Variants in CR1 observed in about 807,000 individuals in gnomAD.
CR1 encodes complement C3b/C4b receptor 1 (Knops blood group), also known as complement receptor type 1.
A neutral mutation model predicts 187.3 loss-of-function variants in CR1; 116 were observed. The observed-to-expected ratio is 0.62, with a 90% CI of 0.53 to 0.72. The LOEUF (loss-of-function observed/expected upper bound fraction) is 0.72. Among genes scored for constraint, CR1 ranks in the 30% least tolerant of loss-of-function variants. CR1 has a pLI of 0.00. For synonymous variants in CR1, 576 were observed against 747.1 expected, an observed-to-expected ratio of 0.77 and a Z score of 3.73; for missense variants, 1,731 against 2,110.7, an observed-to-expected ratio of 0.82 and a Z score of 3.52.
In CR1 at chr1:207,565,874, C is replaced by T. The variant is rs2102324758; in HGVS notation, c.3903C>T (p.Val1301=). 6.2e-7 allele frequency: 1 copy of T among 1,610,836 alleles called. No individual in the cohort carries two copies. The highest frequency in any genetic ancestry group is 2.2e-5 in the East Asian group (1 of 44,868). Residue 1301 remains valine (V), a synonymous_variant, in exon 24 of 47, where the codon GTC becomes GTT. Transcript: ENST00000367049. The stretch of plus-strand genomic sequence containing the variant: ...AAGGCAGCTCTGCTAGTTATTGTGT[C>T]TTGGCTGGAATGGAAAGCCTTTGGA... ...QLKGSSASYC[V]LAGMESLWNS... is the part of the protein sequence containing the mutation.
chr1:207,501,389 C>A (rs2102331299), intron 1 of CR1, among the ~76,000 whole-genome samples: 1 of 152,268 alleles, frequency 6.6e-6, no homozygotes, highest in East Asian at 1.9e-4. Context: ...ACTCATCAAT[C>A]ATTGTATGTA....
chr1:207,599,823 A>G (rs114384980), intron 35 of CR1, among the ~76,000 whole-genome samples: 3,262 of 152,290 alleles, frequency 0.021, 65 homozygotes, highest in Non-Finnish European at 0.029. Context: ...AAAAATCAGG[A>G]CCACCTGAGA....
chr1:207,622,975 C>T lies in CR1; in HGVS notation c.7277-18C>T, dbSNP rs1303974449. Reference sequence around the variant, plus strand: ...GTTATATTTTCCATGCATTTAATTACCTTGTTTTACTGCCTAGGCACTTTA... The same window carrying T: ...GTTATATTTTCCATGCATTTAATTATCTTGTTTTACTGCCTAGGCACTTTA... On this transcript the variant is annotated intron_variant, in intron 44 of 46. Transcript: ENST00000367049. The T allele has an allele frequency of 6.5e-7, 1 of 1,535,276 alleles. No homozygotes were observed. Among genetic ancestry groups the T allele is most frequent in the Non-Finnish European group, 8.9e-7 (1 of 1,127,348 alleles).
chr1:207,600,704 A>G (rs888140909), intron 35 of CR1: 4 of 152,126 alleles, frequency 2.6e-5, no homozygotes, highest in African/African-American at 9.6e-5. Context: ...GAATTGATTT[A>G]CTTAGTCTTT....
At chr1:207,581,399 T>A in intron 31 of CR1, among the ~76,000 whole-genome samples, 1 of 149,960 alleles carries the variant, frequency 6.7e-6, no homozygotes, top group South Asian at 2.1e-4. Context: ...TATATACATA[T>A]GTATATACAT....
chr1:207,515,229 G>T (rs1284128603), intron 4 of CR1, among the ~76,000 whole-genome samples: 1 of 133,434 alleles, frequency 7.5e-6, no homozygotes, highest in East Asian at 2.0e-4. Flanking sequence ...ATATATATAC[G>T]TATATATACA....
rs1212656580 is a variant in CR1 at position 207,525,707 on chromosome 1, A to G, written c.887-1046A>G. On this transcript the variant is annotated intron_variant, in intron 5 of 46. Coordinates refer to ENST00000367049, the MANE Select transcript of CR1 (RefSeq NM_000651.6). ...TTTAAGGCTTCCTTTGCTAGCTGTC[A>G]AAAGACAGTGCAGAAGTGTGAGGCT... is the stretch of plus-strand genomic sequence containing the variant. Among the ~76,000 whole-genome samples the G allele has an allele frequency of 2.6e-5, 4 of 152,200 alleles. No homozygotes were observed. In the South Asian group the frequency reaches 6.2e-4, roughly 24 times the overall value.
At chr1:207,572,193 AAGC>A (rs1246810315) in intron 27 of CR1, among the ~76,000 whole-genome samples, 11 of 127,042 alleles carry the variant, frequency 8.7e-5, no homozygotes, top group African/African-American at 3.5e-4. Context: ...TTAGGTGATA[AAGC>A]AGCAGCAGTA....
intron 45 of CR1, among the ~76,000 whole-genome samples, chr1:207,623,587 AACACACACACACACACAC>A (rs55918544): frequency 0.015 from 2,191 of 144,124 alleles, 22 homozygotes; most frequent in Middle Eastern, 0.024. Flanking sequence ...TACATCTCAA[AACACACACACACACACAC>A]ACACACACAC....
intron 33 of CR1, 142 bp from the exon 34 acceptor site, chr1:207,587,244 C>T (rs1013141498): frequency 1.4e-6 from 1 of 697,944 alleles, no homozygotes; most frequent in Non-Finnish European, 2.3e-6. Context: ...CCCAAGGTAA[C>T]ATCAAGGAGA....
intron 25 of CR1, 96 bp downstream of exon 25, chr1:207,568,138 T>C: frequency 6.3e-7 from 1 of 1,597,250 alleles, no homozygotes; most frequent in Non-Finnish European, 8.5e-7. Context: ...TATTTGTATG[T>C]ATGCATTTGC....
Position 207,506,814 on chromosome 1 carries a change from G to T in CR1, c.401+1G>T. The T allele has an allele frequency of 6.2e-7, 1 of 1,610,202 alleles. No individual in the cohort carries two copies. The highest frequency in any genetic ancestry group is 8.5e-7 in the Non-Finnish European group (1 of 1,176,882). The stretch of plus-strand genomic sequence containing the variant: ...AAATTAAATATTCTTGTACTAAAGG[G>T]TGAGTTGGCATCTCTTGAACCAACA... On this transcript the variant is annotated splice_donor_variant, in intron 3 of 46. Transcript: ENST00000367049. LOFTEE classifies it high-confidence loss of function.
intron 27 of CR1, among the ~76,000 whole-genome samples, chr1:207,574,235 A>G (rs1039135734): frequency 6.6e-6 from 1 of 152,228 alleles, no homozygotes; most frequent in African/African-American, 2.4e-5. Flanking sequence ...CCTAGCCATC[A>G]CTAGGGAAAC....
At chr1:207,618,474 T>G (rs1054131000) in intron 42 of CR1, among the ~76,000 whole-genome samples, 8 of 152,234 alleles carry the variant, frequency 5.3e-5, no homozygotes, top group Admixed American at 5.2e-4. Context: ...AATCACCTTG[T>G]TAAAAAGATT....
chr1:207,516,133 G>A (rs148034484), intron 4 of CR1, among the ~76,000 whole-genome samples: 100 of 152,262 alleles, frequency 6.6e-4, no homozygotes, highest in African/African-American at 2.3e-3. Flanking sequence ...GAGGTGGGAG[G>A]ATCCCTTGAG....
At chr1:207,598,013 T>C (rs1374183298) in intron 35 of CR1, among the ~76,000 whole-genome samples, 1 of 152,234 alleles carries the variant, frequency 6.6e-6, no homozygotes, top group African/African-American at 2.4e-5. Flanking sequence ...ATAAATACTG[T>C]ATTCCACTTT....
chr1:207,608,241 G>T (rs146729543), intron 36 of CR1, among the ~76,000 whole-genome samples: 2 of 152,250 alleles, frequency 1.3e-5, no homozygotes, highest in African/African-American at 4.8e-5. Flanking sequence ...AGGTAAAAAA[G>T]TGCACCAGGA....
intron 4 of CR1, among the ~76,000 whole-genome samples, chr1:207,517,526 G>C (rs10863358): frequency 0.26 from 38,992 of 151,890 alleles, 5,236 homozygotes; most frequent in South Asian, 0.44. Flanking sequence ...ATGTTGGCCT[G>C]ATAAAATGTG....
rs760560895 is a variant in CR1 at position 207,612,040 on chromosome 1, G to A, written c.6574G>A (p.Gly2192Arg). Residue 2192 changes from glycine (G) to arginine (R), a missense_variant and splice_region_variant, in exon 39 of 47, where the codon GGG becomes AGG. By Grantham distance (125) the Gly-to-Arg change is moderately radical. Coordinates refer to ENST00000367049, the MANE Select transcript of CR1 (RefSeq NM_000651.6). Reference sequence around the variant, plus strand: ...AAAGGTGTCCTTTGTTTGCGATGAAGGGTGAGTGTGACCCAGCGTTGAGAC... The same window carrying A: ...AAAGGTGTCCTTTGTTTGCGATGAAAGGTGAGTGTGACCCAGCGTTGAGAC... ...GAKVSFVCDE[G>R]FRLKGRSASH... 1 of 1,613,916 alleles carries A rather than the reference G, an allele frequency of 6.2e-7. No individual in the cohort carries two copies. Among genetic ancestry groups the A allele is most frequent in the Admixed American group, 1.7e-5 (1 of 60,028 alleles).
Sources: allele counts gnomAD v4.1 joint callset (sites outside exome capture counted in the v4.1 genomes callset), GRCh38; gene constraint gnomAD v4.1.1; transcripts MANE v1.5; gene names NCBI Gene and HGNC (gene_info 2026-07-23, HGNC 2026-07-21).